NOCT: variants seen among roughly 807,000 people sequenced by gnomAD.
NOCT encodes the protein nocturnin.
In NOCT, 18 loss-of-function variants were observed where a neutral mutation model predicts 35.0. The observed-to-expected ratio is 0.51, with a 90% CI of 0.36 to 0.76. The LOEUF is 0.76. Ranked by LOEUF, NOCT falls within the 30% of genes least tolerant of loss-of-function variation. The pLI is 0.01. For missense variants in NOCT, 479 were observed against 541.0 expected (o/e 0.89, Z 1.14); for synonymous variants, 235 against 226.3 (o/e 1.04, Z -0.34).
intron 1 of NOCT, among the ~76,000 whole-genome samples, chr4:139,031,817 A>G (rs1726629524): frequency 6.6e-6 from 1 of 151,812 alleles, no homozygotes; most frequent in African/African-American, 2.4e-5. Context: ...GGTTCAAGAG[A>G]TTCTCCTGCC....
rs972172113 is a variant in NOCT, at chr4:139,045,663, C to A, written c.*189C>A. ...TCCAGAGCAACTGGGACAACAGGCGCCCGTCACCACGCCCAGCTAATTTTT... is the reference window on the plus strand; with the variant it reads ...TCCAGAGCAACTGGGACAACAGGCGACCGTCACCACGCCCAGCTAATTTTT... On this transcript the variant is annotated 3_prime_UTR_variant, in exon 3 of 3. Coordinates refer to ENST00000280614, the MANE Select transcript of NOCT (RefSeq NM_012118.4). 2.4e-4 allele frequency: 114 copies of A among 476,954 alleles called. No homozygotes were observed. Among genetic ancestry groups the A allele is most frequent in the Non-Finnish European group, 4.1e-4 (112 of 273,324 alleles). The allele number at this position is 476,954 out of a possible 1,614,324, so 29.5% of individuals were successfully genotyped here.
At chr4:139,017,099 G>C (rs1578622331) in intron 1 of NOCT, among the ~76,000 whole-genome samples, 1 of 148,882 alleles carries the variant, frequency 6.7e-6, no homozygotes, top group Non-Finnish European at 1.5e-5. Flanking sequence ...TAACTACCCT[G>C]AGTTTTCCTT....
At chr4:139,039,581 TTTTA>T (rs902718739) in intron 1 of NOCT, among the ~76,000 whole-genome samples, 2 of 152,250 alleles carry the variant, frequency 1.3e-5, no homozygotes, top group East Asian at 1.9e-4. Flanking sequence ...ACTTTCTCCC[TTTTA>T]TTTTTTTTTA....
chr4:139,044,697 A>G lies in NOCT; in HGVS notation c.519A>G (p.Glu173=). ...GCCCTGTTGAAGCACTCAAATGGGA[A>G]GAAAGGAAATGTCTCATCCTGGAAG... is the stretch of plus-strand genomic sequence containing the variant. ...VQCPVEALKW[E]ERKCLILEEI... Residue 173 remains glutamate (E), a synonymous_variant, in exon 3 of 3, where the codon GAA becomes GAG. Transcript: ENST00000280614. The G allele has an allele frequency of 6.2e-7, 1 of 1,614,216 alleles. No individual in the cohort carries two copies. The highest frequency in any genetic ancestry group is 8.5e-7 in the Non-Finnish European group (1 of 1,180,038).
chr4:139,025,573 G>A (rs1161883740), intron 1 of NOCT, among the ~76,000 whole-genome samples: 1 of 152,192 alleles, frequency 6.6e-6, no homozygotes, highest in Non-Finnish European at 1.5e-5. Context: ...CACTTTGGGA[G>A]GCCAAGGCGG....
intron 1 of NOCT, among the ~76,000 whole-genome samples, chr4:139,030,220 T>A (rs1363401116): frequency 2.6e-5 from 4 of 152,192 alleles, no homozygotes; most frequent in Non-Finnish European, 1.5e-5. Flanking sequence ...CATTACACTT[T>A]TGAACCTTAG....
chr4:139,037,827 A>G (rs1207636562), intron 1 of NOCT, among the ~76,000 whole-genome samples: 1 of 151,998 alleles, frequency 6.6e-6, no homozygotes, highest in Non-Finnish European at 1.5e-5. Flanking sequence ...GTTTGAGGCT[A>G]CAGTGGGTTA....
chr4:139,025,337 T>C (rs1726493823), intron 1 of NOCT, among the ~76,000 whole-genome samples: 1 of 151,976 alleles, frequency 6.6e-6, no homozygotes, highest in African/African-American at 2.4e-5. Flanking sequence ...CAGCTTGGAG[T>C]TTCTTCAAGG....
intron 1 of NOCT, among the ~76,000 whole-genome samples, chr4:139,022,548 G>A (rs558665202): frequency 1.3e-5 from 2 of 152,258 alleles, no homozygotes; most frequent in African/African-American, 4.8e-5. Context: ...TAGGCTCCGG[G>A]TAGACAACAG....
At chr4:139,025,183 T>C (rs1209779091) in intron 1 of NOCT, among the ~76,000 whole-genome samples, 1 of 152,186 alleles carries the variant, frequency 6.6e-6, no homozygotes, top group Non-Finnish European at 1.5e-5. Flanking sequence ...TTTGGTTCTA[T>C]GGAGCAACCA....
At chr4:139,017,462 A>G (rs1292491882) in intron 1 of NOCT, among the ~76,000 whole-genome samples, 3 of 151,192 alleles carry the variant, frequency 2.0e-5, no homozygotes, top group African/African-American at 7.3e-5. Context: ...TCCCTAGCTC[A>G]GGTGAACCTC....
chr4:139,031,681 C>G (rs1726627095), intron 1 of NOCT, among the ~76,000 whole-genome samples: 1 of 152,038 alleles, frequency 6.6e-6, no homozygotes, highest in African/African-American at 2.4e-5. Flanking sequence ...TACATATATT[C>G]AAATATATTT....
Position 139,030,369 on chromosome 4 carries a change from T to G in NOCT, c.191-12705T>G, listed in dbSNP as rs547649234. Among the ~76,000 whole-genome samples the G allele has an allele frequency of 1.5e-4, 23 of 152,328 alleles. 1 individual carries two copies. The South Asian group carries it at 4.8e-3, about 32-fold the overall frequency. On this transcript the variant is annotated intron_variant, in intron 1 of 2. Coordinates refer to ENST00000280614, the MANE Select transcript of NOCT (RefSeq NM_012118.4). Reference sequence around the variant, plus strand: ...GGTCCTCCATCAGTGTTTGACAGAATTTCTTGGTACTTTGCTGTCACTTGC... The same window carrying G: ...GGTCCTCCATCAGTGTTTGACAGAAGTTCTTGGTACTTTGCTGTCACTTGC...
chr4:139,017,139 A>T (rs1191491438), intron 1 of NOCT, among the ~76,000 whole-genome samples: 12 of 151,696 alleles, frequency 7.9e-5, no homozygotes, highest in Non-Finnish European at 1.2e-4. Flanking sequence ...GCCTGGGCAC[A>T]CATTACCATG....
Position 139,044,806 on chromosome 4 carries a change from CT to C in NOCT, c.629del (p.Leu210GlnfsTer16). The C allele has an allele frequency of 6.2e-7, 1 of 1,614,188 alleles. No homozygotes were observed. Among genetic ancestry groups the C allele is most frequent in the East Asian group, 2.2e-5 (1 of 44,886 alleles). ...CACCTTCCAGCCACTCCTCAGTAGA[CT>C]AGGCTATCAAGGCACGTTTTTCCCC... ...FDTFQPLLSR[L>X]GYQGTFFPKP... On this transcript the variant is annotated frameshift_variant, in exon 3 of 3. Transcript: ENST00000280614. LOFTEE classifies it high-confidence loss of function.
intron 1 of NOCT, among the ~76,000 whole-genome samples, chr4:139,039,591 T>G (rs1726797855): frequency 6.6e-6 from 1 of 152,160 alleles, no homozygotes; most frequent in South Asian, 2.1e-4. Context: ...TTTTATTTTT[T>G]TTTAAAAAAA....
chr4:139,016,872 C>T (rs2148641142), intron 1 of NOCT, among the ~76,000 whole-genome samples: 1 of 151,612 alleles, frequency 6.6e-6, no homozygotes, highest in African/African-American at 2.4e-5. Flanking sequence ...CCAGGCTGGT[C>T]TTGAACTCCT....
In NOCT at chr4:139,016,015, C is replaced by T. The variant is rs1560727310; in HGVS notation, c.34C>T (p.Leu12=). 9 of 1,398,830 alleles carry T rather than the reference C, an allele frequency of 6.4e-6. No homozygotes were observed. The highest frequency in any genetic ancestry group is 1.5e-5 in the South Asian group (1 of 66,780). 86.7% of individuals were successfully genotyped at this position (1,398,830 alleles called of 1,614,324 possible). Residue 12 remains leucine, a synonymous_variant, in exon 1 of 3, where the codon CTG becomes TTG. Transcript: ENST00000280614. The part of the protein sequence containing the change: ...FHSPRRLCSA[L]LQRDAPGLRR... ...TAGTCCGCGGCGGCTCTGCTCGGCC[C>T]TGCTGCAGAGGGACGCGCCCGGCCT... is the stretch of plus-strand genomic sequence containing the variant.
chr4:139,019,764 A>T (rs1022331060), intron 1 of NOCT, among the ~76,000 whole-genome samples: 3 of 152,294 alleles, frequency 2.0e-5, no homozygotes, highest in South Asian at 2.1e-4. Flanking sequence ...TCTCAAGGAT[A>T]GCAGCCCCCC....
Sources: gnomAD v4.1 joint callset for allele counts (sites outside exome capture counted in the v4.1 genomes callset) on GRCh38, gnomAD v4.1.1 for gene constraint, MANE v1.5 for transcripts, NCBI Gene and HGNC (gene_info 2026-07-23, HGNC 2026-07-21) for gene names.